DIS3L2: variants seen among roughly 807,000 people sequenced by gnomAD.
The protein encoded by DIS3L2 is DIS3 like 3'-5' exoribonuclease 2.
In DIS3L2, 34 loss-of-function variants were observed where a neutral mutation model predicts 97.5. The observed-to-expected ratio is 0.35, with a 90% confidence interval of 0.27 to 0.46. The LOEUF is 0.46. Among genes scored for constraint, DIS3L2 ranks in the 20% least tolerant of loss-of-function variants. DIS3L2 has a pLI of 1.00. For synonymous variants in DIS3L2, 435 were observed against 445.2 expected, an observed-to-expected ratio of 0.98 and a Z score of 0.29; for missense variants, 1,038 against 1,146.0, an observed-to-expected ratio of 0.91 and a Z score of 1.36.
chr2:232,270,801 C>CT (rs1456809383), intron 13 of DIS3L2, among the ~76,000 whole-genome samples: 3 of 152,162 alleles, frequency 2.0e-5, no homozygotes, highest in African/African-American at 7.2e-5. Flanking sequence ...ATGGAAACAT[C>CT]TGTCAGGAGT....
At chr2:231,999,458 C>T (rs1389717023) in intron 1 of DIS3L2, among the ~76,000 whole-genome samples, 1 of 152,200 alleles carries the variant, frequency 6.6e-6, no homozygotes, top group Non-Finnish European at 1.5e-5. Context: ...CCGTATTTCT[C>T]TATTTATTAT....
At position 232,139,869 on chromosome 2, in the gene DIS3L2, G is replaced by T. The variant is rs555972712; in HGVS notation, c.950+3150G>T. ...AAGGGTTGCAATGGAGGAAACAAAA[G>T]AAATGAAAAGATTCAGGGGAGATTA... On this transcript the variant is annotated intron_variant, in intron 8 of 20. Coordinates refer to ENST00000325385, the MANE Select transcript of DIS3L2 (RefSeq NM_152383.5). Among the ~76,000 whole-genome samples the T allele has an allele frequency of 3.3e-5, 5 of 152,266 alleles. No homozygotes were observed. The South Asian group carries it at 1.0e-3, about 32-fold the overall frequency.
At chr2:232,134,003 T>TTA (rs1698289045) in intron 7 of DIS3L2, among the ~76,000 whole-genome samples, 2 of 49,150 alleles carry the variant, frequency 4.1e-5, no homozygotes, top group African/African-American at 2.2e-4. Flanking sequence ...AAAAAAAAAA[T>TTA]TATATAAAGG....
downstream of DIS3L2, chr2:232,340,770 C>G (rs1281478638): frequency 2.1e-6 from 1 of 471,306 alleles, no homozygotes; most frequent in Middle Eastern, 3.3e-4. Context: ...GGAGACCCAG[C>G]CAGGCCACCC....
chr2:232,223,863 G>A (rs1362704104), intron 10 of DIS3L2, among the ~76,000 whole-genome samples: 1 of 152,172 alleles, frequency 6.6e-6, no homozygotes, highest in East Asian at 1.9e-4. Context: ...CAAGATGGGA[G>A]GATTGCTTGA....
At position 232,099,129 on chromosome 2, in the gene DIS3L2, G is replaced by A. The variant is rs77824053; in HGVS notation, c.601+11408G>A. 1.3e-4 allele frequency among the ~76,000 whole-genome samples: 20 copies of A among 151,824 alleles called. No individual in the cohort carries two copies. The East Asian group carries it at 3.7e-3, about 28-fold the overall frequency. ...CTGATGTTGAACCATCCTTTTATTC[G>A]TCATATAAATTCTACTTAATCCTGA... is the stretch of plus-strand genomic sequence containing the variant. On this transcript the variant is annotated intron_variant, in intron 6 of 20. Transcript: ENST00000325385.
intron 8 of DIS3L2, among the ~76,000 whole-genome samples, chr2:232,153,432 A>G (rs1690376540): frequency 3.5e-4 from 1 of 2,826 alleles, no homozygotes; most frequent in Non-Finnish European, 8.9e-4. Context: ...CTTGTCTATA[A>G]AGTATTTTAT....
intron 10 of DIS3L2, among the ~76,000 whole-genome samples, chr2:232,228,197 C>T (rs1267211686): frequency 2.0e-5 from 3 of 152,186 alleles, no homozygotes; most frequent in African/African-American, 4.8e-5. Context: ...AACTCCTGAC[C>T]TCAGGTGATC....
intron 6 of DIS3L2, among the ~76,000 whole-genome samples, chr2:232,123,696 A>G (rs1697972580): frequency 6.6e-6 from 1 of 152,232 alleles, no homozygotes; most frequent in South Asian, 2.1e-4. Flanking sequence ...TGGATTTAAA[A>G]AAAATCTCAA....
intron 13 of DIS3L2, among the ~76,000 whole-genome samples, chr2:232,277,322 C>A (rs1177962796): frequency 6.6e-6 from 1 of 152,148 alleles, no homozygotes; most frequent in East Asian, 1.9e-4. Flanking sequence ...GATAACTAGG[C>A]CAGAGTGCAT....
intron 5 of DIS3L2, among the ~76,000 whole-genome samples, chr2:232,081,494 T>TTTC (rs369091214): frequency 0.015 from 2,359 of 152,272 alleles, 66 homozygotes; most frequent in African/African-American, 0.054. Flanking sequence ...GCCTTTTTTT[T>TTTC]TTTCTTTCTT....
At chr2:232,084,332 G>A (rs898513108) in intron 5 of DIS3L2, among the ~76,000 whole-genome samples, 1 of 151,660 alleles carries the variant, frequency 6.6e-6, no homozygotes, top group Non-Finnish European at 1.5e-5. Flanking sequence ...TGTTTTTTTT[G>A]GGTTTGGGAT....
intron 1 of DIS3L2, among the ~76,000 whole-genome samples, chr2:231,989,013 C>T (rs1693503319): frequency 6.6e-6 from 1 of 152,068 alleles, no homozygotes; most frequent in Non-Finnish European, 1.5e-5. Context: ...TAAAATTGGC[C>T]ACGTGGATGA....
intron 5 of DIS3L2, among the ~76,000 whole-genome samples, chr2:232,047,759 T>C (rs1018571419): frequency 6.6e-6 from 1 of 152,210 alleles, no homozygotes; most frequent in Non-Finnish European, 1.5e-5. Flanking sequence ...TAACCACTAA[T>C]CTGTTTTCTG....
intron 5 of DIS3L2, among the ~76,000 whole-genome samples, chr2:232,081,482 A>G (rs1696392883): frequency 1.2e-5 from 1 of 86,352 alleles, no homozygotes; most frequent in African/African-American, 3.5e-5. Context: ...GCGATACCGA[A>G]AGCCTTTTTT....
chr2:232,198,235 A>C (rs1691808898), intron 9 of DIS3L2, among the ~76,000 whole-genome samples: 1 of 152,128 alleles, frequency 6.6e-6, no homozygotes, highest in African/African-American at 2.4e-5. Context: ...ATCTCTAGGA[A>C]ATAGAGAAAA....
chr2:232,073,903 G>C (rs1283081098), intron 5 of DIS3L2, among the ~76,000 whole-genome samples: 1 of 152,194 alleles, frequency 6.6e-6, no homozygotes, highest in Non-Finnish European at 1.5e-5. Context: ...GCGTAGACGA[G>C]ATTTCCAGCT....
intron 5 of DIS3L2, among the ~76,000 whole-genome samples, chr2:232,041,087 G>A (rs932793468): frequency 1.1e-4 from 17 of 152,168 alleles, no homozygotes; most frequent in African/African-American, 4.1e-4. Flanking sequence ...GAAAATATTA[G>A]TTAGAATTCT....
intron 10 of DIS3L2, among the ~76,000 whole-genome samples, chr2:232,229,067 C>T (rs1692722673): frequency 6.6e-6 from 1 of 152,220 alleles, no homozygotes; most frequent in African/African-American, 2.4e-5. Flanking sequence ...TTAGCAGTAA[C>T]CTTCAACTTC....
Sources: allele counts gnomAD v4.1 joint callset (sites outside exome capture counted in the v4.1 genomes callset), GRCh38; gene constraint gnomAD v4.1.1; transcripts MANE v1.5; gene names NCBI Gene and HGNC (gene_info 2026-07-23, HGNC 2026-07-21).